Variants in TF observed in about 807,000 individuals in gnomAD.
The protein encoded by TF is transferrin, also known as serotransferrin.
A neutral mutation model predicts 82.4 loss-of-function variants in TF; 55 were observed. That is an observed-to-expected ratio of 0.67 (90% CI 0.54 to 0.84). The LOEUF (loss-of-function observed/expected upper bound fraction) is 0.84, where lower values mean the gene tolerates loss of function less well. TF is among the 40% of genes least tolerant of loss of function. The pLI is 0.00. For synonymous variants in TF, 332 were observed against 332.6 expected, an observed-to-expected ratio of 1.00 and a Z score of 0.02; for missense variants, 737 against 868.4, an observed-to-expected ratio of 0.85 and a Z score of 1.90.
At chr3:133,731,294 TG>T in the TF span, among the ~76,000 whole-genome samples, 2 of 152,260 alleles carry the variant, frequency 1.3e-5, no homozygotes, top group Admixed American at 1.3e-4. Context: ...GAAGGAGCAA[TG>T]GGAAGTACAA....
At chr3:133,663,250 C>G in the TF span, among the ~76,000 whole-genome samples, 1 of 152,030 alleles carries the variant, frequency 6.6e-6, no homozygotes, top group South Asian at 2.1e-4. Context: ...GTTGAGCCCA[C>G]TCTCTCTCTC....
the TF span, among the ~76,000 whole-genome samples, chr3:133,685,799 T>C: frequency 5.2e-4 from 79 of 152,260 alleles, no homozygotes; most frequent in Middle Eastern, 3.4e-3. Flanking sequence ...GATTCAATGC[T>C]ATCCCCATCA....
At chr3:133,669,712 C>T in the TF span, among the ~76,000 whole-genome samples, 1 of 152,210 alleles carries the variant, frequency 6.6e-6, no homozygotes, top group South Asian at 2.1e-4. Context: ...CTGAATGGAG[C>T]TATGAAAGTG....
the TF span, among the ~76,000 whole-genome samples, chr3:133,713,560 G>A: frequency 2.7e-4 from 41 of 152,292 alleles, no homozygotes; most frequent in African/African-American, 7.2e-4. Flanking sequence ...TTCATGCATC[G>A]CTTGTCTTAT....
chr3:133,774,861 G>GT (rs35736766), intron 14 of TF: 774 of 220,774 alleles, frequency 3.5e-3, no homozygotes, highest in South Asian at 8.3e-3. Context: ...GAATGGGTGA[G>GT]TTTTTTTTTT....
intron 14 of TF, 114 bp downstream of exon 14, chr3:133,770,686 C>A: frequency 9.0e-7 from 1 of 1,116,494 alleles, no homozygotes; most frequent in Non-Finnish European, 1.4e-6. Context: ...GACTTCAAAG[C>A]TCTGATTCTC....
At chr3:133,746,128 G>T, upstream of TF, 1 of 486,284 alleles carries the variant, frequency 2.1e-6, no homozygotes, top group South Asian at 2.0e-5. Flanking sequence ...CGCCGTAGCC[G>T]CTCCTGGCAC....
chr3:133,702,276 AGAGCTG>A, the TF span, among the ~76,000 whole-genome samples: 8 of 152,080 alleles, frequency 5.3e-5, no homozygotes, highest in African/African-American at 1.9e-4. Flanking sequence ...AGCCAATCCA[AGAGCTG>A]GACTCCTGGG....
At chr3:133,751,296 G>C (rs1348713215) in intron 2 of TF, among the ~76,000 whole-genome samples, 4 of 144,424 alleles carry the variant, frequency 2.8e-5, no homozygotes, top group Admixed American at 1.4e-4. Context: ...GCAGTGGCGC[G>C]ATCTCGACTC....
At chr3:133,729,158 G>A in the TF span, among the ~76,000 whole-genome samples, 82 of 152,280 alleles carry the variant, frequency 5.4e-4, no homozygotes, top group East Asian at 9.1e-3. Flanking sequence ...CTCCAGCTGC[G>A]TGCTGGGAGA....
At chr3:133,672,069 AG>A in the TF span, among the ~76,000 whole-genome samples, 1 of 152,338 alleles carries the variant, frequency 6.6e-6, no homozygotes, top group South Asian at 2.1e-4. Context: ...AAAATGTCAA[AG>A]GATAAGATCA....
the TF span, among the ~76,000 whole-genome samples, chr3:133,702,741 A>G: frequency 6.6e-6 from 1 of 152,160 alleles, no homozygotes. Flanking sequence ...AAACTTATAA[A>G]TAAAGAATGA....
chr3:133,733,305 A>G, the TF span, among the ~76,000 whole-genome samples: 2 of 152,160 alleles, frequency 1.3e-5, no homozygotes, highest in South Asian at 4.1e-4. Context: ...CTGCTGTGAC[A>G]CAGGCTGCCT....
chr3:133,703,750 T>C, the TF span, among the ~76,000 whole-genome samples: 3 of 152,238 alleles, frequency 2.0e-5, no homozygotes, highest in Admixed American at 2.0e-4. Flanking sequence ...AAGTGAATTA[T>C]TAGTGTATTA....
the TF span, among the ~76,000 whole-genome samples, chr3:133,725,185 C>A: frequency 6.6e-6 from 1 of 151,890 alleles, no homozygotes; most frequent in African/African-American, 2.4e-5. Context: ...TTTTCCAATT[C>A]TGTGAAGAAA....
chr3:133,709,365 G>C, the TF span: 1 of 152,618 alleles, frequency 6.6e-6, no homozygotes, highest in Non-Finnish European at 1.5e-5. Flanking sequence ...GAGAATACCA[G>C]CTCCAGCATA....
Position 133,755,438 on chromosome 3 carries a change from G to T in TF, c.578G>T (p.Cys193Phe), listed in dbSNP as rs752118133. ...GACTTCCCCCAGCTGTGTCAACTGTGTCCAGGGTGTGGCTGCTCCACCCTT... is the reference window on the plus strand; with the variant it reads ...GACTTCCCCCAGCTGTGTCAACTGTTTCCAGGGTGTGGCTGCTCCACCCTT... ...GTDFPQLCQLCPGCGCSTLNQ... is the reference protein window; with the variant it reads ...GTDFPQLCQLFPGCGCSTLNQ... The change falls in exon 5 of 17, where the codon TGT becomes TTT. Residue 193 changes from cysteine to phenylalanine, a missense_variant. Physicochemically the swap from Cys to Phe is radical, Grantham distance 205 (BLOSUM62 -2). Transcript: ENST00000402696. 6.2e-7 allele frequency: 1 copy of T among 1,614,224 alleles called. No individual in the cohort carries two copies. Among genetic ancestry groups the T allele is most frequent in the Non-Finnish European group, 8.5e-7 (1 of 1,180,032 alleles).
intron 9 of TF, chr3:133,761,614 T>A (rs8177260): frequency 0.33 from 50,343 of 152,252 alleles, 8,618 homozygotes; most frequent in South Asian, 0.43. Flanking sequence ...TGTCATGAAT[T>A]AAGTGTATGA....
the TF span, among the ~76,000 whole-genome samples, chr3:133,724,923 C>T: frequency 6.6e-6 from 1 of 152,128 alleles, no homozygotes. Context: ...ATCCTTTCCC[C>T]ATTGCTTGTT....
Sources: gnomAD v4.1 joint callset for allele counts (sites outside exome capture counted in the v4.1 genomes callset) on GRCh38, gnomAD v4.1.1 for gene constraint, MANE v1.5 for transcripts, NCBI Gene and HGNC (gene_info 2026-07-23, HGNC 2026-07-21) for gene names.